MAPKBP1: variants seen among roughly 807,000 people sequenced by gnomAD.
MAPKBP1 encodes the protein mitogen-activated protein kinase-binding protein 1.
MAPKBP1 carries 71 observed loss-of-function variants against 170.5 expected under a neutral mutation model. The observed-to-expected ratio is 0.42, with a 90% CI of 0.34 to 0.51. The LOEUF (loss-of-function observed/expected upper bound fraction) is 0.51. MAPKBP1 is among the 20% of genes least tolerant of loss of function. The pLI is 0.06. For synonymous variants in MAPKBP1, 719 were observed against 757.9 expected (o/e 0.95, Z 0.84); for missense variants, 1,598 against 1,933.0 (o/e 0.83, Z 3.25).
In MAPKBP1 at chr15:41,819,579, G is replaced by T. The variant is rs771493860; in HGVS notation, c.2426-16G>T. ...GGGGCAGGAGACACTTCCTCTGACT[G>T]CCTGTTTCTGTCTAGCCTCGGTCCC... On this transcript the variant is annotated splice_polypyrimidine_tract_variant and intron_variant, in intron 21 of 30. Coordinates refer to ENST00000457542, the MANE Select transcript of MAPKBP1 (RefSeq NM_014994.3). The T allele has an allele frequency of 8.8e-6, 14 of 1,589,508 alleles. No individual in the cohort carries two copies. The Admixed American group carries it at 2.2e-4, about 25-fold the overall frequency.
chr15:41,778,660 T>C (rs1253219501), intron 2 of MAPKBP1, among the ~76,000 whole-genome samples: 2 of 152,258 alleles, frequency 1.3e-5, no homozygotes, highest in African/African-American at 4.8e-5. Context: ...AGACTTGTCA[T>C]TTCCTGCCTC....
chr15:41,813,101 G>GTT lies in MAPKBP1; in HGVS notation c.819_819+1insTT (p.Thr274LeufsTer10). On this transcript the variant is annotated frameshift_variant and splice_region_variant. Coordinates refer to ENST00000457542, the MANE Select transcript of MAPKBP1 (RefSeq NM_014994.3). LOFTEE classifies it high-confidence loss of function. ...TTTTGGACAAGTGGGTGGAGCTGAGGGTAAGTACCTCCGTCCCCAGGGGTA... is the reference window on the plus strand; with the variant it reads ...TTTTGGACAAGTGGGTGGAGCTGAGGTTGTAAGTACCTCCGTCCCCAGGGGTA... 6.3e-7 allele frequency: 1 copy of GTT among 1,599,518 alleles called. No individual in the cohort carries two copies. The highest frequency in any genetic ancestry group is 8.5e-7 in the Non-Finnish European group (1 of 1,172,746).
intron 27 of MAPKBP1, 123 bp downstream of exon 27, chr15:41,822,800 G>A: frequency 3.4e-6 from 5 of 1,459,728 alleles, no homozygotes; most frequent in Admixed American, 1.8e-5. Flanking sequence ...CCAGTTTTGG[G>A]CTAACTGGCC....
chr15:41,815,580 T>C lies in MAPKBP1; in HGVS notation c.1318-44T>C, dbSNP rs760081154. On this transcript the variant is annotated intron_variant, in intron 11 of 30. Coordinates refer to ENST00000457542, the MANE Select transcript of MAPKBP1 (RefSeq NM_014994.3). Reference sequence around the variant, plus strand: ...GCTTTCTTGCCCCTTGCAGCTGTACTGGTCAGGCCTGCCTCATCCACCTTT... The same window carrying C: ...GCTTTCTTGCCCCTTGCAGCTGTACCGGTCAGGCCTGCCTCATCCACCTTT... 2.0e-5 allele frequency: 31 copies of C among 1,588,438 alleles called. No individual in the cohort carries two copies. The South Asian group carries it at 2.3e-4, about 12-fold the overall frequency.
At chr15:41,823,312 T>C (rs1482965302) in intron 28 of MAPKBP1, 90 bp downstream of exon 28, 3 of 1,544,874 alleles carry the variant, frequency 1.9e-6, no homozygotes. Flanking sequence ...GTGGCCCTGA[T>C]GTGCCACTGT....
Position 41,803,434 on chromosome 15 carries a change from A to AAAAAG in MAPKBP1, c.206+3521_206+3522insAAAGA, listed in dbSNP as rs58804270. On this transcript the variant is annotated intron_variant, in intron 3 of 30. Coordinates refer to ENST00000457542, the MANE Select transcript of MAPKBP1 (RefSeq NM_014994.3). The stretch of plus-strand genomic sequence containing the variant: ...ATCTCAAAAAAAAAAAAAAAAAAAA[A>AAAAAG]AGGTTAAGCAGGCAGGGTGCAGTGG... Among the ~76,000 whole-genome samples the AAAAAG allele has an allele frequency of 4.6e-4, 42 of 90,776 alleles. 9 individuals are homozygous for AAAAAG. Among genetic ancestry groups the AAAAAG allele is most frequent in the Admixed American group, 1.7e-3 (11 of 6,344 alleles). 59.6% of individuals were successfully genotyped at this position (90,776 alleles called of 152,430 possible).
chr15:41,813,740 C>G lies in MAPKBP1; in HGVS notation c.939C>G (p.Pro313=). Residue 313 remains proline (P), a synonymous_variant, in exon 9 of 31, where the codon CCC becomes CCG. Transcript: ENST00000457542. ...NLHFLSTLPR[P]HALGTDIASV... is the part of the protein sequence containing the mutation. ...ACTTCCTTAGCACCTTGCCCCGACCCCATGCTCTGGGGACAGACATTGCTA... is the reference window on the plus strand; with the variant it reads ...ACTTCCTTAGCACCTTGCCCCGACCGCATGCTCTGGGGACAGACATTGCTA... The G allele has an allele frequency of 6.2e-7, 1 of 1,611,686 alleles. No individual in the cohort carries two copies. Among genetic ancestry groups the G allele is most frequent in the Non-Finnish European group, 8.5e-7 (1 of 1,178,980 alleles).
intron 2 of MAPKBP1, among the ~76,000 whole-genome samples, chr15:41,778,952 A>T (rs576535770): frequency 6.6e-6 from 1 of 152,224 alleles, no homozygotes; most frequent in African/African-American, 2.4e-5. Flanking sequence ...GATCTAGGTT[A>T]TATTATTCCT....
intron 3 of MAPKBP1, among the ~76,000 whole-genome samples, chr15:41,807,877 A>C (rs2064727035): frequency 6.6e-6 from 1 of 151,918 alleles, no homozygotes; most frequent in Non-Finnish European, 1.5e-5. Flanking sequence ...TCTCTACTAA[A>C]AATATAAAAA....
chr15:41,803,943 C>G (rs1007295454), intron 3 of MAPKBP1, among the ~76,000 whole-genome samples: 1 of 151,980 alleles, frequency 6.6e-6, no homozygotes, highest in Non-Finnish European at 1.5e-5. Context: ...TGGGTTCAAG[C>G]AATTCTCCTG....
Position 41,827,591 on chromosome 15 carries a change from G to GC in MAPKBP1, c.*2158dup, listed in dbSNP as rs2065136182. On this transcript the variant is annotated 3_prime_UTR_variant, in exon 31 of 31. Transcript: ENST00000457542. ...GTGAGAATGTGGCCGCCCTTTTCCT[G>GC]CCCTCTGCCCCATGTGGGTGGGGGG... 1 of 152,674 alleles carries GC rather than the reference G, an allele frequency of 6.5e-6. No homozygotes were observed. The highest frequency in any genetic ancestry group is 1.5e-5 in the Non-Finnish European group (1 of 68,234). The allele number at this position is 152,674 out of a possible 1,614,324, so 9.5% of individuals were successfully genotyped here.
intron 2 of MAPKBP1, among the ~76,000 whole-genome samples, chr15:41,789,872 C>T (rs1241426973): frequency 1.3e-5 from 2 of 152,184 alleles, no homozygotes; most frequent in Non-Finnish European, 1.5e-5. Context: ...GATGCCTGCA[C>T]AAAGGCATAG....
At chr15:41,800,720 A>C (rs913457343) in intron 3 of MAPKBP1, among the ~76,000 whole-genome samples, 3 of 150,856 alleles carry the variant, frequency 2.0e-5, no homozygotes, top group Non-Finnish European at 2.9e-5. Flanking sequence ...TAATTTGCCT[A>C]TTCTGGATAT....
intron 2 of MAPKBP1, among the ~76,000 whole-genome samples, chr15:41,793,873 G>A (rs1342344998): frequency 6.6e-6 from 1 of 152,212 alleles, no homozygotes; most frequent in Non-Finnish European, 1.5e-5. Flanking sequence ...GTGGTTCTGT[G>A]ACATGTCAAA....
intron 21 of MAPKBP1, 48 bp from the exon 22 acceptor site, chr15:41,819,547 C>CGGGGGGGGGGGGGGGGGGGGGGGGG: frequency 8.1e-7 from 1 of 1,228,202 alleles, no homozygotes; most frequent in Non-Finnish European, 1.1e-6. Flanking sequence ...GGTTGGGTGG[C>CGGGGGGGGGGGGGGGGGGGGGGGGG]GGGGGGGGGG....
chr15:41,783,612 T>C (rs2064227395), intron 2 of MAPKBP1, among the ~76,000 whole-genome samples: 2 of 152,170 alleles, frequency 1.3e-5, no homozygotes, highest in South Asian at 2.1e-4. Flanking sequence ...GGCCTCTGCT[T>C]CCCTGTACTC....
chr15:41,808,207 C>T (rs1425605109), intron 3 of MAPKBP1, among the ~76,000 whole-genome samples: 11 of 145,622 alleles, frequency 7.6e-5, no homozygotes, highest in Non-Finnish European at 1.5e-4. Flanking sequence ...CCTGGGTTCA[C>T]GCCATTCTCC....
intron 24 of MAPKBP1, 88 bp from the exon 25 acceptor site, chr15:41,821,877 C>T (rs1326667853): frequency 1.3e-6 from 2 of 1,569,884 alleles, no homozygotes; most frequent in African/African-American, 2.7e-5. Flanking sequence ...CTGCCTCATC[C>T]CTCACCCTGA....
chr15:41,790,315 T>C (rs2064373247), intron 2 of MAPKBP1, among the ~76,000 whole-genome samples: 1 of 152,144 alleles, frequency 6.6e-6, no homozygotes, highest in African/African-American at 2.4e-5. Flanking sequence ...CTGGAGAGCT[T>C]TAATATGCAG....
Sources: allele counts gnomAD v4.1 joint callset (sites outside exome capture counted in the v4.1 genomes callset), GRCh38; gene constraint gnomAD v4.1.1; transcripts MANE v1.5; gene names NCBI Gene and HGNC (gene_info 2026-07-23, HGNC 2026-07-21).